Variants in LYSMD1 observed in about 807,000 individuals in gnomAD.
LYSMD1 encodes the protein lysM and putative peptidoglycan-binding domain-containing protein 1.
In LYSMD1, 9 loss-of-function variants were observed where a neutral mutation model predicts 19.3. The observed-to-expected ratio is 0.47, with a 90% CI of 0.28 to 0.81. The LOEUF (loss-of-function observed/expected upper bound fraction) is 0.81, where lower values mean the gene tolerates loss of function less well. Among genes scored for constraint, LYSMD1 ranks in the 40% least tolerant of loss-of-function variants. The pLI is 0.11. For missense variants in LYSMD1, 262 were observed against 279.8 expected (o/e 0.94, Z 0.45); for synonymous variants, 111 against 111.7 (o/e 0.99, Z 0.04).
chr1:151,152,161 G>A, the LYSMD1 span, among the ~76,000 whole-genome samples: 1 of 152,144 alleles, frequency 6.6e-6, no homozygotes, highest in African/African-American at 2.4e-5. Context: ...ATTTTGGGAG[G>A]CCAAGGCAGG....
At chr1:151,159,531 C>T (rs1683359335), downstream of LYSMD1, 1 of 366,544 alleles carries the variant, frequency 2.7e-6, no homozygotes, top group South Asian at 3.2e-5. Context: ...CTATTTCTCC[C>T]ATAAGGGACT....
the LYSMD1 span, among the ~76,000 whole-genome samples, chr1:151,150,215 C>A: frequency 1.3e-5 from 2 of 152,178 alleles, no homozygotes; most frequent in African/African-American, 2.4e-5. Context: ...CTCGGCCTCT[C>A]GAACTGCTGG....
At chr1:151,163,688 C>T (rs369158084) in intron 1 of LYSMD1, among the ~76,000 whole-genome samples, 4 of 151,644 alleles carry the variant, frequency 2.6e-5, no homozygotes, top group African/African-American at 9.7e-5. Context: ...CCACCATGCC[C>T]GGCTAATTTT....
Position 151,165,027 on chromosome 1 carries a change from A to G in LYSMD1, c.180+52T>C. 2.6e-6 allele frequency: 4 copies of G among 1,529,868 alleles called. 1 individual carries two copies. In the South Asian group the frequency reaches 4.7e-5, roughly 18 times the overall value. 94.8% of individuals were successfully genotyped at this position (1,529,868 alleles called of 1,614,324 possible). A position where few individuals can be genotyped will look rare whatever the true frequency, so the allele number is the denominator to read the frequency against. On this transcript the variant is annotated intron_variant, in intron 1 of 2. Coordinates refer to ENST00000368908, the MANE Select transcript of LYSMD1 (RefSeq NM_212551.5). The stretch of plus-strand genomic sequence containing the variant: ...CTAGAAGGGCCACTACATTCTTCTC[A>G]GGACTAAATCCCTCCTGACTGTTGT...
the LYSMD1 span, among the ~76,000 whole-genome samples, chr1:151,151,020 G>C: frequency 6.6e-6 from 1 of 152,050 alleles, no homozygotes; most frequent in East Asian, 1.9e-4. Context: ...TTACAGGTGT[G>C]AGCCACCACA....
At chr1:151,155,827 C>T (rs766725696), downstream of LYSMD1, among the ~76,000 whole-genome samples, 12 of 151,726 alleles carry the variant, frequency 7.9e-5, 1 homozygote, top group East Asian at 1.9e-4. Context: ...GTAGGCCCTG[C>T]GGGGTGCGTT....
At chr1:151,158,310 A>C (rs936169944), downstream of LYSMD1, among the ~76,000 whole-genome samples, 1 of 150,880 alleles carries the variant, frequency 6.6e-6, no homozygotes, top group Non-Finnish European at 1.5e-5. Flanking sequence ...GTGACAAAGC[A>C]AGACTCCGTC....
rs1683663924 is a variant in LYSMD1, at chr1:151,165,779, G to T, written c.-521C>A. 2 of 1,551,302 alleles carry T rather than the reference G, an allele frequency of 1.3e-6. No homozygotes were observed. The highest frequency in any genetic ancestry group is 3.9e-5 in the Admixed American group (2 of 50,988). On this transcript the variant is annotated 5_prime_UTR_variant, in exon 1 of 3. Coordinates refer to ENST00000368908, the MANE Select transcript of LYSMD1 (RefSeq NM_212551.5). ...TCAGAGATCCTCAAAGGTCCGCTCCGCATAAGATAGGTCACACCCTCAAAT... is the reference window on the plus strand; with the variant it reads ...TCAGAGATCCTCAAAGGTCCGCTCCTCATAAGATAGGTCACACCCTCAAAT...
intron 1 of LYSMD1, 51 bp from the exon 2 acceptor site, chr1:151,162,151 A>C: frequency 6.5e-7 from 1 of 1,545,780 alleles, no homozygotes; most frequent in Non-Finnish European, 8.7e-7. Context: ...GATCAATCTT[A>C]CATCTTGAGC....
the LYSMD1 span, among the ~76,000 whole-genome samples, chr1:151,154,635 AT>A: frequency 6.6e-6 from 1 of 151,752 alleles, no homozygotes; most frequent in Non-Finnish European, 1.5e-5. Flanking sequence ...TATTCCCTTT[AT>A]TCTTTTTCTT....
Position 151,165,124 on chromosome 1 carries a change from C to T in LYSMD1, c.135G>A (p.Glu45=). The part of the protein sequence containing the change: ...VRERRLEHQL[E]PGDTLAGLAL... Reference sequence around the variant, plus strand: ...CTAGTCCAGCCAGGGTGTCTCCGGGCTCCAACTGATGCTCCAGGCGTCTTT... The same window carrying T: ...CTAGTCCAGCCAGGGTGTCTCCGGGTTCCAACTGATGCTCCAGGCGTCTTT... The change falls in exon 1 of 3, where the codon GAG becomes GAA. Residue 45 remains glutamate (E), a synonymous_variant. Coordinates refer to ENST00000368908, the MANE Select transcript of LYSMD1 (RefSeq NM_212551.5). The T allele has an allele frequency of 6.2e-7, 1 of 1,614,192 alleles. No individual in the cohort carries two copies. Among genetic ancestry groups the T allele is most frequent in the South Asian group, 1.1e-5 (1 of 91,084 alleles).
chr1:151,164,036 G>A (rs1683558356), intron 1 of LYSMD1, among the ~76,000 whole-genome samples: 1 of 152,022 alleles, frequency 6.6e-6, no homozygotes, highest in Non-Finnish European at 1.5e-5. Flanking sequence ...TGGGATTACA[G>A]GTGAGCACCA....
chr1:151,153,364 A>C, the LYSMD1 span, among the ~76,000 whole-genome samples: 1 of 152,088 alleles, frequency 6.6e-6, no homozygotes, highest in East Asian at 1.9e-4. Flanking sequence ...ATCTCTAAAA[A>C]AAATTTGTGG....
chr1:151,157,741 A>C (rs1683272135), downstream of LYSMD1, among the ~76,000 whole-genome samples: 1 of 152,180 alleles, frequency 6.6e-6, no homozygotes, highest in Non-Finnish European at 1.5e-5. Context: ...AACCTTACAC[A>C]GGATTGGGAA....
rs1244531215 is a variant in LYSMD1 at position 151,159,953 on chromosome 1, C to T, written c.*929G>A. 1 of 159,922 alleles carries T rather than the reference C, an allele frequency of 6.3e-6. No individual in the cohort carries two copies. The highest frequency in any genetic ancestry group is 1.5e-5 in the Non-Finnish European group (1 of 68,022). The allele number at this position is 159,922 out of a possible 1,614,324, so 9.9% of individuals were successfully genotyped here. On this transcript the variant is annotated 3_prime_UTR_variant, in exon 3 of 3. Coordinates refer to ENST00000368908, the MANE Select transcript of LYSMD1 (RefSeq NM_212551.5). ...TACCATAGATCAGTGCTACAAATCG[C>T]AAATAAATATGCAGTGAGGAGGAAG... is the stretch of plus-strand genomic sequence containing the variant.
chr1:151,150,058 G>C, the LYSMD1 span, among the ~76,000 whole-genome samples: 1 of 152,018 alleles, frequency 6.6e-6, no homozygotes, highest in African/African-American at 2.4e-5. Flanking sequence ...GCAGTCCCTG[G>C]TTGTCTATCT....
chr1:151,159,049 G>A (rs1201824819), downstream of LYSMD1: 2 of 1,614,218 alleles, frequency 1.2e-6, no homozygotes, highest in African/African-American at 1.3e-5. Context: ...TGTTCTGGCT[G>A]GCCTGCTGAC....
In LYSMD1 at chr1:151,160,917, G is replaced by A. The variant is rs1170480653; in HGVS notation, c.649C>T (p.Leu217=). 1.2e-6 allele frequency: 2 copies of A among 1,614,066 alleles called. No individual in the cohort carries two copies. Among genetic ancestry groups the A allele is most frequent in the Non-Finnish European group, 1.7e-6 (2 of 1,180,018 alleles). ...PLTRTSRTRT[L]RDQEDEIFKL Reference sequence around the variant, plus strand: ...AAGATTTCATCCTCCTGGTCCCGTAGTGTCCGGGTCCGAGAGGTACGGGTC... The same window carrying A: ...AAGATTTCATCCTCCTGGTCCCGTAATGTCCGGGTCCGAGAGGTACGGGTC... The change falls in exon 3 of 3, where the codon CTA becomes TTA. Residue 217 remains leucine (L), a synonymous_variant. Transcript: ENST00000368908.
At chr1:151,154,971 G>A (rs1041631182), downstream of LYSMD1, among the ~76,000 whole-genome samples, 33 of 152,198 alleles carry the variant, frequency 2.2e-4, no homozygotes, top group African/African-American at 7.9e-4. Context: ...CGTTGGCCAG[G>A]CTGGTCTCAA....
Sources: allele counts gnomAD v4.1 joint callset (sites outside exome capture counted in the v4.1 genomes callset), GRCh38; gene constraint gnomAD v4.1.1; transcripts MANE v1.5; gene names NCBI Gene and HGNC (gene_info 2026-07-23, HGNC 2026-07-21).